DOCK1: variants seen among roughly 807,000 people sequenced by gnomAD.
The protein encoded by DOCK1 is dedicator of cytokinesis 1.
DOCK1 carries 138 observed loss-of-function variants against 262.7 expected under a neutral mutation model. The observed-to-expected ratio is 0.53, with a 90% CI of 0.46 to 0.61. The LOEUF (loss-of-function observed/expected upper bound fraction) is 0.61. Ranked by LOEUF, DOCK1 falls within the 20% of genes least tolerant of loss-of-function variation. DOCK1 has a pLI of 0.00. For synonymous variants in DOCK1, 866 were observed against 867.4 expected, an observed-to-expected ratio of 1.00 and a Z score of 0.03; for missense variants, 1,908 against 2,370.7, an observed-to-expected ratio of 0.80 and a Z score of 4.05.
rs1444411943 is a variant in DOCK1, at chr10:126,934,250, A to G, written c.46+28687A>G. 3.3e-5 allele frequency among the ~76,000 whole-genome samples: 5 copies of G among 152,328 alleles called. 1 individual carries two copies. In the East Asian group the frequency reaches 9.6e-4, roughly 29 times the overall value. On this transcript the variant is annotated intron_variant, in intron 1 of 51. Coordinates refer to ENST00000623213, the MANE Select transcript of DOCK1 (RefSeq NM_001290223.2). ...AAACAGGATCTAGATTTTTATTACC[A>G]AAACAAAACAGCCTGGCACCTGCCT...
intron 10 of DOCK1, among the ~76,000 whole-genome samples, chr10:127,006,557 C>T (rs915919219): frequency 2.0e-5 from 3 of 152,192 alleles, no homozygotes; most frequent in East Asian, 1.9e-4. Context: ...ACTCCCTCTG[C>T]GTGGGGCTGT....
intron 4 of DOCK1, among the ~76,000 whole-genome samples, chr10:126,984,947 C>G (rs2039259644): frequency 6.7e-6 from 1 of 148,972 alleles, no homozygotes; most frequent in African/African-American, 2.5e-5. Flanking sequence ...TTTGACCCAT[C>G]ATCTCCCCAC....
At chr10:127,185,923 G>T (rs2056190895) in intron 27 of DOCK1, among the ~76,000 whole-genome samples, 1 of 152,164 alleles carries the variant, frequency 6.6e-6, no homozygotes, top group African/African-American at 2.4e-5. Flanking sequence ...AATGTGACTT[G>T]CTAGGAATTA....
At position 127,253,326 on chromosome 10, in the gene DOCK1, C is replaced by T. The variant is rs74771985; in HGVS notation, c.2950-4009C>T. 3.4e-3 allele frequency among the ~76,000 whole-genome samples: 514 copies of T among 152,250 alleles called. 7 individuals are homozygous for T. Among genetic ancestry groups the T allele is most frequent in the Non-Finnish European group, 2.9e-3 (198 of 68,016 alleles). ...ATTCCCACTCTGTGGCTTTGGAAAA[C>T]ACACTACATTTTCCTACACTCTCAC... On this transcript the variant is annotated intron_variant, in intron 28 of 51. Coordinates refer to ENST00000623213, the MANE Select transcript of DOCK1 (RefSeq NM_001290223.2).
chr10:127,280,176 A>C (rs1464285969), intron 29 of DOCK1, among the ~76,000 whole-genome samples: 2 of 150,900 alleles, frequency 1.3e-5, no homozygotes, highest in Non-Finnish European at 3.0e-5. Context: ...CTGGGACTAC[A>C]GGCACCCGCC....
Position 127,418,376 on chromosome 10 carries a change from C to T in DOCK1, c.4527C>T (p.Ser1509=). The change falls in exon 45 of 52, where the codon AGC becomes AGT. Residue 1509 remains serine, a synonymous_variant. Transcript: ENST00000623213. ...CTCTCTCTTTGCAGGTGGAAATCAG[C>T]CCCCTGGAGAATGCCATTGAGACCA... ...EVKSVFMVEI[S]PLENAIETMQ... 6.2e-7 allele frequency: 1 copy of T among 1,610,102 alleles called. No individual in the cohort carries two copies. The highest frequency in any genetic ancestry group is 8.5e-7 in the Non-Finnish European group (1 of 1,177,712).
At chr10:127,060,427 G>T (rs2045456309) in intron 22 of DOCK1, among the ~76,000 whole-genome samples, 1 of 152,170 alleles carries the variant, frequency 6.6e-6, no homozygotes, top group South Asian at 2.1e-4. Flanking sequence ...CACAGAATTT[G>T]TTGCTTTACA....
intron 1 of DOCK1, among the ~76,000 whole-genome samples, chr10:126,965,267 G>C (rs2037577103): frequency 6.6e-6 from 1 of 152,190 alleles, no homozygotes; most frequent in Non-Finnish European, 1.5e-5. Flanking sequence ...AAGTGGGGCA[G>C]TCGGAGGCGG....
intron 23 of DOCK1, among the ~76,000 whole-genome samples, chr10:127,069,954 G>A (rs558562226): frequency 1.3e-5 from 2 of 152,168 alleles, no homozygotes; most frequent in African/African-American, 4.8e-5. Context: ...TCAGGGTGGC[G>A]GCAGGGCAGG....
chr10:127,131,649 A>G (rs2050333666), intron 27 of DOCK1, among the ~76,000 whole-genome samples: 1 of 139,370 alleles, frequency 7.2e-6, no homozygotes, highest in South Asian at 2.7e-4. Flanking sequence ...CATCAAATGT[A>G]GATTTGTGCA....
chr10:127,143,532 C>T (rs1353824901), intron 27 of DOCK1, among the ~76,000 whole-genome samples: 1 of 152,078 alleles, frequency 6.6e-6, no homozygotes, highest in Non-Finnish European at 1.5e-5. Context: ...AGGCCTGGGC[C>T]CAGGAGGGCA....
intron 1 of DOCK1, among the ~76,000 whole-genome samples, chr10:126,923,721 G>T (rs184438801): frequency 1.1e-4 from 17 of 152,332 alleles, no homozygotes; most frequent in African/African-American, 3.6e-4. Context: ...CATGTGCGAT[G>T]GTCCGTACCC....
chr10:127,417,897 G>C (rs957100509), intron 44 of DOCK1, among the ~76,000 whole-genome samples: 2 of 152,082 alleles, frequency 1.3e-5, no homozygotes, highest in African/African-American at 4.8e-5. Flanking sequence ...TTCACATGAT[G>C]GTGTGTGGTG....
chr10:127,228,989 C>T (rs200914409), intron 27 of DOCK1, among the ~76,000 whole-genome samples: 2 of 152,054 alleles, frequency 1.3e-5, no homozygotes, highest in Non-Finnish European at 2.9e-5. Context: ...TCCCAGCACT[C>T]TGGGAGGCTT....
At chr10:127,273,953 T>C (rs1214145546) in intron 29 of DOCK1, among the ~76,000 whole-genome samples, 1 of 152,028 alleles carries the variant, frequency 6.6e-6, no homozygotes, top group Non-Finnish European at 1.5e-5. Context: ...GATTAATTGA[T>C]AGATGTATTT....
At chr10:126,996,264 C>T (rs1346477819) in intron 6 of DOCK1, among the ~76,000 whole-genome samples, 2 of 151,390 alleles carry the variant, frequency 1.3e-5, no homozygotes, top group Non-Finnish European at 2.9e-5. Flanking sequence ...CCTGTAACCC[C>T]AGCTACTCGG....
intron 27 of DOCK1, among the ~76,000 whole-genome samples, chr10:127,241,743 A>T (rs1267769015): frequency 6.6e-6 from 1 of 152,070 alleles, no homozygotes; most frequent in African/African-American, 2.4e-5. Flanking sequence ...AGGGGAGTAT[A>T]CTGTTTGGTT....
chr10:126,951,303 TG>T (rs2036209046), intron 1 of DOCK1, among the ~76,000 whole-genome samples: 1 of 151,642 alleles, frequency 6.6e-6, no homozygotes, highest in African/African-American at 2.4e-5. Flanking sequence ...GTGTTAGTAG[TG>T]GTAGTATTGT....
intron 43 of DOCK1, among the ~76,000 whole-genome samples, chr10:127,412,840 C>G (rs2067941448): frequency 1.3e-5 from 2 of 152,226 alleles, no homozygotes; most frequent in African/African-American, 4.8e-5. Context: ...CACAAAGGAG[C>G]TTGGAGTTGG....
Sources: gnomAD v4.1 joint callset for allele counts (sites outside exome capture counted in the v4.1 genomes callset) on GRCh38, gnomAD v4.1.1 for gene constraint, MANE v1.5 for transcripts, NCBI Gene and HGNC (gene_info 2026-07-23, HGNC 2026-07-21) for gene names.